The following GRIK1 variants were observed in gnomAD, a reference collection of about 807,000 sequenced individuals.
GRIK1 encodes glutamate ionotropic receptor kainate type subunit 1, also known as glutamate receptor ionotropic, kainate 1.
Under a neutral mutation model 105.7 loss-of-function variants are expected in GRIK1, and 69 were observed. That is an observed-to-expected ratio of 0.65 (90% CI 0.54 to 0.80). The LOEUF (loss-of-function observed/expected upper bound fraction) is 0.80. GRIK1 is among the 30% of genes least tolerant of loss of function. The probability of loss-of-function intolerance (pLI) is 0.00; values close to 1 mark genes in which losing one functional copy is unlikely to be tolerated. For missense variants in GRIK1, 1,109 were observed against 1,167.3 expected, an observed-to-expected ratio of 0.95 and a Z score of 0.73; for synonymous variants, 438 against 431.3, an observed-to-expected ratio of 1.02 and a Z score of -0.19.
At chr21:29,774,267 T>C (rs1202072143) in intron 1 of GRIK1, among the ~76,000 whole-genome samples, 1 of 152,190 alleles carries the variant, frequency 6.6e-6, no homozygotes. Context: ...ACCATATGAA[T>C]ACAACTTCAA....
At chr21:29,919,121 T>C (rs2071103450) in intron 1 of GRIK1, among the ~76,000 whole-genome samples, 1 of 151,968 alleles carries the variant, frequency 6.6e-6, no homozygotes, top group Non-Finnish European at 1.5e-5. Context: ...GAGGAGGAAC[T>C]CAGCCACAAC....
At chr21:29,696,607 C>T (rs1016559174) in intron 1 of GRIK1, among the ~76,000 whole-genome samples, 14 of 152,174 alleles carry the variant, frequency 9.2e-5, no homozygotes, top group African/African-American at 2.4e-4. Context: ...GGCTGCCTGG[C>T]GATAGGGCTT....
intron 6 of GRIK1, among the ~76,000 whole-genome samples, chr21:29,644,616 C>T (rs1191017955): frequency 6.6e-6 from 1 of 152,164 alleles, no homozygotes; most frequent in Non-Finnish European, 1.5e-5. Flanking sequence ...CTTACACTAT[C>T]CACTTTGTAG....
chr21:29,835,636 C>T (rs2067777856), intron 1 of GRIK1, among the ~76,000 whole-genome samples: 1 of 152,106 alleles, frequency 6.6e-6, no homozygotes, highest in African/African-American at 2.4e-5. Flanking sequence ...AATTCTGGGG[C>T]TTCAAACCTC....
chr21:29,717,707 C>T (rs1474328391), intron 1 of GRIK1, among the ~76,000 whole-genome samples: 1 of 152,204 alleles, frequency 6.6e-6, no homozygotes, highest in African/African-American at 2.4e-5. Flanking sequence ...AGGGACTTGC[C>T]TTGTTTCAGA....
intron 7 of GRIK1, among the ~76,000 whole-genome samples, chr21:29,638,841 C>G (rs2062451562): frequency 6.6e-6 from 1 of 152,178 alleles, no homozygotes; most frequent in Non-Finnish European, 1.5e-5. Context: ...TAAACAATCA[C>G]TACATGACAA....
chr21:29,778,516 T>C (rs1206477409), intron 1 of GRIK1, among the ~76,000 whole-genome samples: 2 of 152,238 alleles, frequency 1.3e-5, no homozygotes, highest in African/African-American at 2.4e-5. Context: ...TAATGTCTGC[T>C]TCATATGCTG....
At chr21:29,753,981 A>G (rs2065271840) in intron 1 of GRIK1, among the ~76,000 whole-genome samples, 1 of 152,146 alleles carries the variant, frequency 6.6e-6, no homozygotes, top group African/African-American at 2.4e-5. Context: ...TTTCTTAAGG[A>G]GAAAAATCCT....
At chr21:29,869,143 T>C (rs567908094) in intron 1 of GRIK1, among the ~76,000 whole-genome samples, 1 of 152,354 alleles carries the variant, frequency 6.6e-6, no homozygotes, top group South Asian at 2.1e-4. Context: ...CTTCCAGTTT[T>C]GTTGTTTTCA....
At chr21:29,811,422 C>T (rs887382238) in intron 1 of GRIK1, among the ~76,000 whole-genome samples, 1 of 152,080 alleles carries the variant, frequency 6.6e-6, no homozygotes, top group Non-Finnish European at 1.5e-5. Flanking sequence ...AAATACAGTG[C>T]TATTTAGTGA....
chr21:29,839,398 C>A (rs1042742469), intron 1 of GRIK1, among the ~76,000 whole-genome samples: 19 of 152,096 alleles, frequency 1.2e-4, no homozygotes, highest in African/African-American at 4.6e-4. Flanking sequence ...CATAAAGTTA[C>A]TCAAAATATT....
At chr21:29,738,303 C>G (rs1392788257) in intron 1 of GRIK1, among the ~76,000 whole-genome samples, 3 of 152,224 alleles carry the variant, frequency 2.0e-5, no homozygotes, top group Non-Finnish European at 4.4e-5. Flanking sequence ...ATGCATTTCT[C>G]TTATAAAGCC....
At chr21:29,562,021 G>A (rs2090493207) in intron 14 of GRIK1, among the ~76,000 whole-genome samples, 172 bp from the exon 15 acceptor site, 1 of 152,170 alleles carries the variant, frequency 6.6e-6, no homozygotes, top group Admixed American at 6.5e-5. Context: ...GAAGAGCCCA[G>A]TTCACTCACT....
rs746842761 is a variant in GRIK1 at position 29,900,459 on chromosome 21, C to CAAAAAAAAAAA, written c.118+38923_118+38924insTTTTTTTTTTT. ...GAAGATCTACCAAACAAATGGAAAG[C>CAAAAAAAAAAA]AAGAAAAAAAAAAAAAAAAAGCAAG... On this transcript the variant is annotated intron_variant, in intron 1 of 17. Transcript: ENST00000327783. 7.2e-4 allele frequency among the ~76,000 whole-genome samples: 56 copies of CAAAAAAAAAAA among 78,292 alleles called. 2 individuals are homozygous for CAAAAAAAAAAA. Among genetic ancestry groups the CAAAAAAAAAAA allele is most frequent in the Admixed American group, 8.5e-4 (6 of 7,096 alleles). The allele number at this position is 78,292 out of a possible 152,430, so 51.4% of individuals were successfully genotyped here. A position where few individuals can be genotyped will look rare whatever the true frequency, so the allele number is the denominator to read the frequency against.
intron 4 of GRIK1, among the ~76,000 whole-genome samples, chr21:29,668,722 G>A (rs363518): frequency 0.25 from 37,764 of 152,156 alleles, 4,952 homozygotes; most frequent in East Asian, 0.35. Context: ...GAATTCCATA[G>A]GTAGAGCTTT....
At chr21:29,880,153 G>T (rs2069350998) in intron 1 of GRIK1, among the ~76,000 whole-genome samples, 1 of 151,964 alleles carries the variant, frequency 6.6e-6, no homozygotes, top group African/African-American at 2.4e-5. Context: ...ATATTGAGGT[G>T]CTAAACACAA....
Position 29,673,022 on chromosome 21 carries a change from A to G in GRIK1, c.687T>C (p.Phe229=). The G allele has an allele frequency of 6.2e-7, 1 of 1,613,618 alleles. No homozygotes were observed. The highest frequency in any genetic ancestry group is 8.5e-7 in the Non-Finnish European group (1 of 1,179,646). The change falls in exon 4 of 18, where the codon TTT becomes TTC. Residue 229 remains phenylalanine, a synonymous_variant. Coordinates refer to ENST00000327783, the MANE Select transcript of GRIK1 (RefSeq NM_001330994.2). ...CAGCGGCTGTTTCATGTGAACAATC[A>G]AATATCACATAGAACTCCTTGCCTT... ...MKKGKEFYVI[F]DCSHETAAEI...
At chr21:29,786,112 C>T (rs1569091822) in intron 1 of GRIK1, among the ~76,000 whole-genome samples, 4 of 152,296 alleles carry the variant, frequency 2.6e-5, no homozygotes, top group South Asian at 2.1e-4. Flanking sequence ...TCTCAGCCTC[C>T]GGAGTAGCTG....
chr21:29,808,306 C>G (rs781057943), intron 1 of GRIK1, among the ~76,000 whole-genome samples: 11 of 152,118 alleles, frequency 7.2e-5, no homozygotes, highest in Admixed American at 3.3e-4. Flanking sequence ...CAGTGATCTG[C>G]TCCAACACCG....
Sources: allele counts gnomAD v4.1 joint callset (sites outside exome capture counted in the v4.1 genomes callset), GRCh38; gene constraint gnomAD v4.1.1; transcripts MANE v1.5; gene names NCBI Gene and HGNC (gene_info 2026-07-23, HGNC 2026-07-21).